The following SPSB1 variants were observed in gnomAD, a reference collection of about 807,000 sequenced individuals.
The protein encoded by SPSB1 is splA/ryanodine receptor domain and SOCS box containing 1.
In SPSB1, 8 loss-of-function variants were observed where a neutral mutation model predicts 21.2. The observed-to-expected ratio is 0.38, with a 90% CI of 0.22 to 0.68. The LOEUF (loss-of-function observed/expected upper bound fraction) is 0.68. Ranked by LOEUF, SPSB1 falls within the 30% of genes least tolerant of loss-of-function variation. SPSB1 has a pLI of 0.53. For synonymous variants in SPSB1, 169 were observed against 161.7 expected (o/e 1.05, Z -0.34); for missense variants, 242 against 377.8 (o/e 0.64, Z 2.98).
intron 1 of SPSB1, among the ~76,000 whole-genome samples, chr1:9,316,597 C>T (rs1057030518): frequency 2.6e-5 from 4 of 152,102 alleles, no homozygotes; most frequent in Admixed American, 6.5e-5. Flanking sequence ...CTGCCATTTA[C>T]GAAAGGCTGG....
rs570339427 is a variant in SPSB1 at position 9,323,604 on chromosome 1, G to A, written c.-150+30533G>A. ...CGTGGAATCCAGATGTAAACAAAGC[G>A]GAGAAGGGAGAATGGCAGACGCGCC... On this transcript the variant is annotated intron_variant, in intron 1 of 2. Transcript: ENST00000328089. 7.9e-5 allele frequency among the ~76,000 whole-genome samples: 12 copies of A among 152,310 alleles called. No individual in the cohort carries two copies. The South Asian group carries it at 8.3e-4, about 11-fold the overall frequency.
At chr1:9,352,611 G>C (rs966825646) in intron 1 of SPSB1, among the ~76,000 whole-genome samples, 14 of 152,068 alleles carry the variant, frequency 9.2e-5, no homozygotes, top group African/African-American at 2.9e-4. Context: ...TGTGTGTTCA[G>C]TTCTGGGTTT....
At chr1:9,310,521 C>T (rs1245411685) in intron 1 of SPSB1, among the ~76,000 whole-genome samples, 1 of 152,026 alleles carries the variant, frequency 6.6e-6, no homozygotes. Context: ...GGTGAAACCC[C>T]GTCTCTACTA....
chr1:9,309,072 A>T (rs1639470138), intron 1 of SPSB1, among the ~76,000 whole-genome samples: 1 of 151,496 alleles, frequency 6.6e-6, no homozygotes, highest in South Asian at 2.1e-4. Context: ...GGACCAGGAG[A>T]TTGACTGCCA....
chr1:9,352,949 T>C (rs1208965618), intron 1 of SPSB1, among the ~76,000 whole-genome samples: 1 of 144,794 alleles, frequency 6.9e-6, no homozygotes, highest in Non-Finnish European at 1.6e-5. Context: ...CTGCCACAGT[T>C]GAGCGGCAGG....
chr1:9,359,316 A>G (rs1031299291), intron 2 of SPSB1, among the ~76,000 whole-genome samples: 24 of 152,158 alleles, frequency 1.6e-4, no homozygotes, highest in African/African-American at 5.5e-4. Context: ...CAGCGTGGTG[A>G]TAGGGTGAGG....
At chr1:9,337,171 G>A (rs562567243) in intron 1 of SPSB1, among the ~76,000 whole-genome samples, 1 of 152,224 alleles carries the variant, frequency 6.6e-6, no homozygotes, top group African/African-American at 2.4e-5. Context: ...TTTCCATCTG[G>A]TTGTCCTAGA....
chr1:9,335,899 A>G (rs546700537), intron 1 of SPSB1, among the ~76,000 whole-genome samples: 2,550 of 18,304 alleles, frequency 0.14, 76 homozygotes, highest in African/African-American at 0.47. Context: ...CCGAATGTCA[A>G]TGTGCACAGT....
chr1:9,310,911 G>A (rs970450688), intron 1 of SPSB1, among the ~76,000 whole-genome samples: 3 of 152,208 alleles, frequency 2.0e-5, no homozygotes, highest in Middle Eastern at 3.4e-3. Flanking sequence ...TTCCAATTCC[G>A]TAATATATAA....
chr1:9,323,152 A>G (rs558230415), intron 1 of SPSB1, among the ~76,000 whole-genome samples: 74 of 152,196 alleles, frequency 4.9e-4, no homozygotes, highest in African/African-American at 1.7e-3. Context: ...TCCTGCTGCC[A>G]TGTTGGAGGG....
rs1305892709 is a variant in SPSB1 at position 9,324,771 on chromosome 1, G to A, written c.-149-30972G>A. Among the ~76,000 whole-genome samples, 1 of 152,162 alleles carries A rather than the reference G, an allele frequency of 6.6e-6. No homozygotes were observed. Among genetic ancestry groups the A allele is most frequent in the Non-Finnish European group, 1.5e-5 (1 of 68,024 alleles). ...CCACCTCCGAGCCACAGCTCACTCT[G>A]ACAAAAACGCTTGTGGCCCTGGACT... On this transcript the variant is annotated intron_variant, in intron 1 of 2. Coordinates refer to ENST00000328089, the MANE Select transcript of SPSB1 (RefSeq NM_025106.4). The surrounding 1 kb of genome is among the most constrained non-coding windows in gnomAD (Gnocchi z 4.3).
chr1:9,362,847 T>A (rs1054830797), intron 2 of SPSB1, among the ~76,000 whole-genome samples: 1 of 152,246 alleles, frequency 6.6e-6, no homozygotes, highest in African/African-American at 2.4e-5. Context: ...CTTCCTGATT[T>A]CTTTGCTGCT....
Position 9,346,621 on chromosome 1 carries a change from G to A in SPSB1, c.-149-9122G>A, listed in dbSNP as rs1379233521. Among the ~76,000 whole-genome samples the A allele has an allele frequency of 6.6e-6, 1 of 152,184 alleles. No individual in the cohort carries two copies. Among genetic ancestry groups the A allele is most frequent in the South Asian group, 2.1e-4 (1 of 4,828 alleles). ...TTGTGGCTTTAATTGAAACACCATC[G>A]GGGGGTTGCCGGCAGGTGCTGTGCA... On this transcript the variant is annotated intron_variant, in intron 1 of 2. Transcript: ENST00000328089. This position sits in a 1 kb window ranked among gnomAD's most constrained non-coding sequence, Gnocchi z 4.4.
intron 2 of SPSB1, among the ~76,000 whole-genome samples, chr1:9,365,677 T>C (rs971153272): frequency 7.2e-5 from 11 of 152,334 alleles, no homozygotes; most frequent in Admixed American, 6.5e-4. Flanking sequence ...TGTTTGGTCT[T>C]CAGTAATTGA....
intron 2 of SPSB1, among the ~76,000 whole-genome samples, chr1:9,359,705 GAAA>G (rs70979734): frequency 1.5e-5 from 2 of 131,188 alleles, no homozygotes; most frequent in Non-Finnish European, 1.6e-5. Flanking sequence ...CCGTCTCTGG[GAAA>G]AAAAAAAAAA....
intron 2 of SPSB1, among the ~76,000 whole-genome samples, chr1:9,358,888 C>T (rs923786303): frequency 7.2e-5 from 11 of 152,312 alleles, no homozygotes; most frequent in Non-Finnish European, 1.0e-4. Context: ...CAGAGGGTTC[C>T]GCCCACCCAG....
chr1:9,319,863 G>T (rs1376709665), intron 1 of SPSB1, among the ~76,000 whole-genome samples: 1 of 152,048 alleles, frequency 6.6e-6, no homozygotes, highest in African/African-American at 2.4e-5. Context: ...GGCCCAGCCA[G>T]TCGCCACCTG....
At chr1:9,315,176 C>A (rs1018762301) in intron 1 of SPSB1, among the ~76,000 whole-genome samples, 1 of 152,208 alleles carries the variant, frequency 6.6e-6, no homozygotes, top group African/African-American at 2.4e-5. Flanking sequence ...CACCTGCCGG[C>A]ACCCAGCCTG....
At chr1:9,366,967 T>C (rs1481685026) in intron 2 of SPSB1, among the ~76,000 whole-genome samples, 1 of 152,190 alleles carries the variant, frequency 6.6e-6, no homozygotes, top group African/African-American at 2.4e-5. Context: ...TGGGGGTGCG[T>C]GCCAGGAAGA....
Sources: gnomAD v4.1 joint callset for allele counts (sites outside exome capture counted in the v4.1 genomes callset) on GRCh38, gnomAD v4.1.1 for gene constraint, Gnocchi (gnomAD v3.1) non-coding constraint, MANE v1.5 for transcripts, NCBI Gene and HGNC (gene_info 2026-07-23, HGNC 2026-07-21) for gene names.